Variants in DNER observed in about 807,000 individuals in gnomAD.
DNER encodes delta and Notch-like epidermal growth factor-related receptor.
DNER carries 33 observed loss-of-function variants against 78.2 expected under a neutral mutation model. The ratio of observed to expected loss-of-function variants is 0.42; its 90% confidence interval spans 0.32 to 0.56. The LOEUF is 0.56. Among genes scored for constraint, DNER ranks in the 20% least tolerant of loss-of-function variants. The pLI, the probability that DNER is intolerant of heterozygous loss-of-function variation, is 0.11. For synonymous variants in DNER, 417 were observed against 384.8 expected (o/e 1.08, Z -0.98); for missense variants, 918 against 975.3 (o/e 0.94, Z 0.78).
At chr2:229,618,047 A>T (rs1023958205) in intron 1 of DNER, among the ~76,000 whole-genome samples, 1 of 152,214 alleles carries the variant, frequency 6.6e-6, no homozygotes, top group African/African-American at 2.4e-5. Context: ...CATCCATCCA[A>T]TGGAGATAAC....
intron 4 of DNER, among the ~76,000 whole-genome samples, chr2:229,551,630 G>A (rs1023183080): frequency 1.3e-5 from 2 of 148,258 alleles, no homozygotes; most frequent in African/African-American, 5.0e-5. Context: ...GTGAAACCCC[G>A]TTTAAAAAAA....
chr2:229,457,497 C>A (rs2193900), intron 7 of DNER, among the ~76,000 whole-genome samples: 2 of 151,700 alleles, frequency 1.3e-5, no homozygotes, highest in East Asian at 3.9e-4. Context: ...CCCAGAGCAG[C>A]CACTAAAACT....
At chr2:229,511,161 C>T (rs957226065) in intron 6 of DNER, among the ~76,000 whole-genome samples, 7 of 152,118 alleles carry the variant, frequency 4.6e-5, no homozygotes, top group Admixed American at 3.9e-4. Flanking sequence ...ACCCCCATGC[C>T]CACTTCATTC....
chr2:229,533,639 AG>A (rs1461019930), intron 5 of DNER, among the ~76,000 whole-genome samples: 1 of 152,176 alleles, frequency 6.6e-6, no homozygotes, highest in Non-Finnish European at 1.5e-5. Context: ...GGCTCCCTCA[AG>A]GAAGTGCACT....
At chr2:229,410,088 G>C (rs1258413534) in intron 9 of DNER, among the ~76,000 whole-genome samples, 6 of 152,004 alleles carry the variant, frequency 3.9e-5, no homozygotes, top group Non-Finnish European at 8.8e-5. Flanking sequence ...TGTTTCCTCT[G>C]AGGAGTCACC....
intron 1 of DNER, among the ~76,000 whole-genome samples, chr2:229,598,044 C>T (rs1697754470): frequency 6.6e-6 from 1 of 152,096 alleles, no homozygotes; most frequent in Non-Finnish European, 1.5e-5. Context: ...CTGGCAATTC[C>T]CATATCCTCT....
intron 4 of DNER, among the ~76,000 whole-genome samples, chr2:229,569,241 G>C (rs911377721): frequency 6.6e-6 from 1 of 152,204 alleles, no homozygotes; most frequent in South Asian, 2.1e-4. Flanking sequence ...CCCTTACATA[G>C]GCTGAGCGCA....
intron 1 of DNER, among the ~76,000 whole-genome samples, chr2:229,656,063 T>C (rs1000396402): frequency 1.3e-5 from 2 of 152,140 alleles, no homozygotes; most frequent in Non-Finnish European, 2.9e-5. Flanking sequence ...CCTCAAGAAC[T>C]GTAAGAGAAT....
intron 4 of DNER, among the ~76,000 whole-genome samples, chr2:229,577,573 T>C (rs1697325855): frequency 6.6e-6 from 1 of 151,948 alleles, no homozygotes; most frequent in African/African-American, 2.4e-5. Flanking sequence ...AGGCAGAGGC[T>C]GCAGTGAGCA....
At chr2:229,426,452 A>G (rs985153018) in intron 8 of DNER, among the ~76,000 whole-genome samples, 5 of 148,998 alleles carry the variant, frequency 3.4e-5, no homozygotes, top group African/African-American at 5.1e-5. Context: ...AAAAAAAAAA[A>G]AAAAAAAAAA....
chr2:229,650,024 G>A (rs530383946), intron 1 of DNER, among the ~76,000 whole-genome samples: 25 of 145,114 alleles, frequency 1.7e-4, no homozygotes, highest in Admixed American at 9.2e-4. Flanking sequence ...GCAGTGAGCC[G>A]AGATCATGCC....
chr2:229,618,527 T>C (rs1698203697), intron 1 of DNER, among the ~76,000 whole-genome samples: 1 of 152,202 alleles, frequency 6.6e-6, no homozygotes, highest in Non-Finnish European at 1.5e-5. Flanking sequence ...GCATGTGATG[T>C]AGCTCGCCAC....
At chr2:229,584,604 T>C (rs1370863882) in intron 4 of DNER, among the ~76,000 whole-genome samples, 1 of 152,142 alleles carries the variant, frequency 6.6e-6, no homozygotes, top group Non-Finnish European at 1.5e-5. Flanking sequence ...GAGGGAATAC[T>C]GAGGGTCTCT....
At chr2:229,392,845 A>T (rs2106338103) in intron 10 of DNER, among the ~76,000 whole-genome samples, 1 of 152,244 alleles carries the variant, frequency 6.6e-6, no homozygotes, top group South Asian at 2.1e-4. Context: ...TACTTTTTTT[A>T]AAAAAGACAA....
intron 11 of DNER, among the ~76,000 whole-genome samples, chr2:229,374,059 T>A (rs1426666485): frequency 6.6e-6 from 1 of 152,036 alleles, no homozygotes; most frequent in East Asian, 1.9e-4. Flanking sequence ...TCCCAGCTAC[T>A]TGGAAGCCTG....
At chr2:229,550,739 C>T (rs777754644) in intron 4 of DNER, among the ~76,000 whole-genome samples, 4 of 151,982 alleles carry the variant, frequency 2.6e-5, no homozygotes, top group South Asian at 2.1e-4. Context: ...TGCACCACTG[C>T]GCTCCAGTCT....
chr2:229,579,275 G>T (rs887507472), intron 4 of DNER, among the ~76,000 whole-genome samples: 3 of 152,068 alleles, frequency 2.0e-5, no homozygotes, highest in Non-Finnish European at 2.9e-5. Context: ...CTAAGCTTTT[G>T]TTGCCCCATT....
intron 5 of DNER, among the ~76,000 whole-genome samples, chr2:229,529,189 A>C (rs561283213): frequency 6.6e-6 from 1 of 151,682 alleles, no homozygotes; most frequent in East Asian, 1.9e-4. Context: ...ATACCACAAC[A>C]TAATATCTTT....
chr2:229,400,898 T>A (rs1363005367), intron 10 of DNER, among the ~76,000 whole-genome samples: 1 of 152,018 alleles, frequency 6.6e-6, no homozygotes, highest in Non-Finnish European at 1.5e-5. Flanking sequence ...AACATTATAG[T>A]AGAGAAACTT....
Sources: allele counts gnomAD v4.1 joint callset (sites outside exome capture counted in the v4.1 genomes callset), GRCh38; gene constraint gnomAD v4.1.1; transcripts MANE v1.5; gene names NCBI Gene and HGNC (gene_info 2026-07-23, HGNC 2026-07-21).